Variants in WDHD1 observed in about 807,000 individuals in gnomAD.
WDHD1 encodes WD repeat and HMG-box DNA-binding protein 1.
A neutral mutation model predicts 135.4 loss-of-function variants in WDHD1; 111 were observed. The observed-to-expected ratio is 0.82, with a 90% confidence interval of 0.70 to 0.96. The LOEUF (loss-of-function observed/expected upper bound fraction) is 0.96. Ranked by LOEUF, WDHD1 falls within the 40% of genes least tolerant of loss-of-function variation. The pLI, the probability that WDHD1 is intolerant of heterozygous loss-of-function variation, is 0.00. For synonymous variants in WDHD1, 434 were observed against 439.0 expected (o/e 0.99, Z 0.14); for missense variants, 1,351 against 1,336.3 (o/e 1.01, Z -0.17).
chr14:54,980,018 A>G (rs1259731432), intron 16 of WDHD1, among the ~76,000 whole-genome samples: 1 of 152,180 alleles, frequency 6.6e-6, no homozygotes, highest in Non-Finnish European at 1.5e-5. Context: ...TGTACCAGCC[A>G]TATCATATGG....
chr14:55,025,935 G>C (rs1016275033), intron 2 of WDHD1, among the ~76,000 whole-genome samples: 1 of 152,148 alleles, frequency 6.6e-6, no homozygotes, highest in East Asian at 1.9e-4. Flanking sequence ...AGAAACACTT[G>C]TCCAAAGAAG....
intron 6 of WDHD1, among the ~76,000 whole-genome samples, chr14:55,007,608 T>C (rs143443929): frequency 0.011 from 1,723 of 152,274 alleles, 18 homozygotes; most frequent in Middle Eastern, 0.027. Flanking sequence ...AATAAACAAA[T>C]GATATACTCA....
At chr14:55,016,701 C>T (rs1193090672) in intron 2 of WDHD1, among the ~76,000 whole-genome samples, 2 of 152,166 alleles carry the variant, frequency 1.3e-5, no homozygotes, top group Admixed American at 6.5e-5. Context: ...GACTTTTTAA[C>T]GAAGTTAACC....
At position 54,977,310 on chromosome 14, in the gene WDHD1, T is replaced by C. The variant is rs141076168; in HGVS notation, c.2063+4230A>G. Among the ~76,000 whole-genome samples the C allele has an allele frequency of 3.9e-5, 6 of 152,292 alleles. No individual in the cohort carries two copies. In the East Asian group the frequency reaches 1.2e-3, roughly 29 times the overall value. ...GCACACAAGCACCATGAATTGTCTGTAGACCAAATACAAAAATAGTTTCCA... is the reference window on the plus strand; with the variant it reads ...GCACACAAGCACCATGAATTGTCTGCAGACCAAATACAAAAATAGTTTCCA... On this transcript the variant is annotated intron_variant, in intron 16 of 25. Coordinates refer to ENST00000360586, the MANE Select transcript of WDHD1 (RefSeq NM_007086.4).
rs374497720 is a variant in WDHD1 at position 55,002,157 on chromosome 14, A to G, written c.629T>C (p.Val210Ala). The G allele has an allele frequency of 1.9e-4, 304 of 1,602,982 alleles. 3 individuals carry two copies. Among genetic ancestry groups the G allele is most frequent in the South Asian group, 1.6e-3 (143 of 88,956 alleles). The change falls in exon 8 of 26, where the codon GTT becomes GCT. Residue 210 changes from valine to alanine, a missense_variant. By Grantham distance (64) the Val-to-Ala change is moderately conservative. Transcript: ENST00000360586. ...KLLAIPVEKS[V>A]KLYRRESWSH... Reference sequence around the variant, plus strand: ...CCAAGATTCTCTTCTATATAGCTTAACAGATTTTTCCACAGGAATTGCCAG... The same window carrying G: ...CCAAGATTCTCTTCTATATAGCTTAGCAGATTTTTCCACAGGAATTGCCAG...
intron 15 of WDHD1, among the ~76,000 whole-genome samples, chr14:54,982,798 A>C (rs898987231): frequency 4.6e-5 from 7 of 152,240 alleles, no homozygotes; most frequent in Non-Finnish European, 1.0e-4. Context: ...AGCAATGTAA[A>C]TGAAGAACAT....
At position 54,963,193 on chromosome 14, in the gene WDHD1, G is replaced by C; in HGVS notation, c.2311-21C>G. 4 of 720,986 alleles carry C rather than the reference G, an allele frequency of 5.5e-6. 1 individual carries two copies. The highest frequency in any genetic ancestry group is 2.9e-5 in the South Asian group (2 of 69,070). 44.7% of individuals were successfully genotyped at this position (720,986 alleles called of 1,614,324 possible). A position where few individuals can be genotyped will look rare whatever the true frequency, so the allele number is the denominator to read the frequency against. On this transcript the variant is annotated intron_variant, in intron 18 of 25. Transcript: ENST00000360586. ...GAAAGCTAATCCAAAAAGGGGGGGG[G>C]GGGGGAGATCAAATAACATCAAGTA...
At chr14:55,027,001 A>G in intron 1 of WDHD1, 27 bp downstream of exon 1, 1 of 554,640 alleles carries the variant, frequency 1.8e-6, no homozygotes, top group South Asian at 2.1e-5. Flanking sequence ...TCCTTGGTGG[A>G]CGCGGGCAGC....
chr14:54,961,706 CAT>C (rs2041254320), intron 21 of WDHD1, among the ~76,000 whole-genome samples: 1 of 152,120 alleles, frequency 6.6e-6, no homozygotes, highest in Admixed American at 6.6e-5. Context: ...ATCAAAGTAA[CAT>C]ATGTCCACAG....
chr14:54,948,327 C>A (rs2040970099), intron 24 of WDHD1, among the ~76,000 whole-genome samples: 1 of 152,112 alleles, frequency 6.6e-6, no homozygotes, highest in Non-Finnish European at 1.5e-5. Context: ...ACACACAGCA[C>A]CTGGAAAATT....
At chr14:54,990,084 T>C (rs560052479) in intron 12 of WDHD1, among the ~76,000 whole-genome samples, 4 of 147,368 alleles carry the variant, frequency 2.7e-5, no homozygotes, top group Non-Finnish European at 6.0e-5. Flanking sequence ...AACATAACTA[T>C]AAATAAAATA....
At chr14:54,994,898 C>A (rs1353826485) in intron 11 of WDHD1, among the ~76,000 whole-genome samples, 3 of 152,110 alleles carry the variant, frequency 2.0e-5, no homozygotes, top group African/African-American at 2.4e-5. Flanking sequence ...ATAGTGATGG[C>A]CCACCTCTCT....
Position 54,953,171 on chromosome 14 carries a change from C to A in WDHD1, c.3050+2390G>T, listed in dbSNP as rs553853010. Among the ~76,000 whole-genome samples the A allele has an allele frequency of 2.0e-5, 3 of 152,202 alleles. No individual in the cohort carries two copies. The South Asian group carries it at 6.2e-4, about 32-fold the overall frequency. ...GCTTCTGCACAGCAAAAGAAACTACCATCAGAGTGAACAGGCAACCTACAG... is the reference window on the plus strand; with the variant it reads ...GCTTCTGCACAGCAAAAGAAACTACAATCAGAGTGAACAGGCAACCTACAG... On this transcript the variant is annotated intron_variant, in intron 24 of 25. Coordinates refer to ENST00000360586, the MANE Select transcript of WDHD1 (RefSeq NM_007086.4).
At chr14:54,942,279 T>TA (rs2040852921) in intron 25 of WDHD1, among the ~76,000 whole-genome samples, 1 of 144,610 alleles carries the variant, frequency 6.9e-6, no homozygotes, top group African/African-American at 2.6e-5. Context: ...AATAAATAAA[T>TA]AATAAAAATG....
At position 54,991,275 on chromosome 14, in the gene WDHD1, T is replaced by A; in HGVS notation, c.1279A>T (p.Thr427Ser). ...GACTGAAATGGCTTTTGCCGGGGAG[T>A]TGGCATGGGTCCATCATAAAATGGC... Reference protein sequence around the residue: ...QRPFYDGPMPTPRQKPFQSGS... With the variant: ...QRPFYDGPMPSPRQKPFQSGS... The change falls in exon 12 of 26, where the codon ACT (threonine) becomes TCT (serine). Residue 427 changes from threonine (T) to serine (S), a missense_variant. Transcript: ENST00000360586. 2 of 1,613,150 alleles carry A rather than the reference T, an allele frequency of 1.2e-6. No homozygotes were observed. The highest frequency in any genetic ancestry group is 1.7e-6 in the Non-Finnish European group (2 of 1,179,434).
chr14:55,021,714 G>C (rs1270190353), intron 2 of WDHD1, among the ~76,000 whole-genome samples: 1 of 152,120 alleles, frequency 6.6e-6, no homozygotes, highest in Non-Finnish European at 1.5e-5. Flanking sequence ...ATGTCTCCAA[G>C]GTCTATATCT....
In WDHD1 at chr14:55,002,083, TA is replaced by T. The variant is rs755872149; in HGVS notation, c.693+9del. ...ATAGCCCACTGAAAGTGTCACTTTG[TA>T]AAACCTACCTGAGAGATGAAATTAT... On this transcript the variant is annotated intron_variant, in intron 8 of 25. Coordinates refer to ENST00000360586, the MANE Select transcript of WDHD1 (RefSeq NM_007086.4). 2.5e-6 allele frequency: 4 copies of T among 1,595,154 alleles called. No individual in the cohort carries two copies. In the East Asian group the frequency reaches 9.0e-5, roughly 36 times the overall value.
At chr14:55,008,256 C>A in intron 6 of WDHD1, 60 bp downstream of exon 6, 2 of 1,511,924 alleles carry the variant, frequency 1.3e-6, no homozygotes, top group East Asian at 4.6e-5. Flanking sequence ...AGTAATACGA[C>A]ATATAACAAT....
rs569724120 is a variant in WDHD1, at chr14:55,008,344, G to T, written c.476C>A (p.Ser159Tyr). 82 of 1,613,470 alleles carry T rather than the reference G, an allele frequency of 5.1e-5. No individual in the cohort carries two copies. Among genetic ancestry groups the T allele is most frequent in the Non-Finnish European group, 6.9e-5 (81 of 1,179,766 alleles). ...IFLASASCDGSVRVWQISDQT... is the reference protein window; with the variant it reads ...IFLASASCDGYVRVWQISDQT... ...ATCTGAAATTTGCCACACTCTGACAGATCCATCACAACTAGCTGATGCCTG... is the reference window on the plus strand; with the variant it reads ...ATCTGAAATTTGCCACACTCTGACATATCCATCACAACTAGCTGATGCCTG... The change falls in exon 6 of 26, where the codon TCT becomes TAT. Residue 159 changes from serine to tyrosine, a missense_variant. By Grantham distance (144) the Ser-to-Tyr change is moderately radical. Around this residue, in one of 2 missense-constraint regions of WDHD1, gnomAD observed 1,330 missense variants for 1,296.1 expected, o/e 1.03. Transcript: ENST00000360586.
Sources: gnomAD v4.1 joint callset for allele counts (sites outside exome capture counted in the v4.1 genomes callset) on GRCh38, gnomAD v4.1.1 for gene constraint, gnomAD v4.1.1 regional missense constraint, MANE v1.5 for transcripts, NCBI Gene and HGNC (gene_info 2026-07-23, HGNC 2026-07-21) for gene names.